Variants in TTLL7 observed in about 807,000 individuals in gnomAD.
The protein encoded by TTLL7 is tubulin polyglutamylase TTLL7.
In TTLL7, 53 loss-of-function variants were observed where a neutral mutation model predicts 120.2. The observed-to-expected ratio is 0.44, with a 90% CI of 0.35 to 0.55. TTLL7 has a LOEUF of 0.55. TTLL7 is among the 20% of genes least tolerant of loss of function. The pLI is 0.00. For synonymous variants in TTLL7, 353 were observed against 351.7 expected (o/e 1.00, Z -0.04); for missense variants, 803 against 1,054.7 (o/e 0.76, Z 3.31).
chr1:83,931,909 G>C (rs562815686), intron 9 of TTLL7, among the ~76,000 whole-genome samples: 1 of 152,228 alleles, frequency 6.6e-6, no homozygotes, highest in Non-Finnish European at 1.5e-5. Context: ...CAAAATATCA[G>C]CAGGGAGCAA....
intron 10 of TTLL7, among the ~76,000 whole-genome samples, chr1:83,922,096 C>A (rs949670126): frequency 6.6e-6 from 1 of 152,074 alleles, no homozygotes; most frequent in Non-Finnish European, 1.5e-5. Flanking sequence ...TCTCTCCAAC[C>A]CCTTCAACTT....
intron 19 of TTLL7, among the ~76,000 whole-genome samples, chr1:83,888,010 G>A (rs954952974): frequency 3.9e-5 from 6 of 151,904 alleles, no homozygotes; most frequent in African/African-American, 1.4e-4. Context: ...TTGTGCCAAG[G>A]ATAGGAGAAA....
chr1:83,943,535 G>A (rs1571261607), intron 6 of TTLL7, among the ~76,000 whole-genome samples: 1 of 152,264 alleles, frequency 6.6e-6, no homozygotes, highest in East Asian at 1.9e-4. Context: ...TGTTTGTTTT[G>A]TTCTGTTTAA....
At chr1:83,907,326 C>A in intron 16 of TTLL7, 130 bp downstream of exon 16, 2 of 784,146 alleles carry the variant, frequency 2.6e-6, no homozygotes, top group Admixed American at 2.7e-5. Context: ...GTGAATAATC[C>A]AAATTTCAAG....
chr1:83,964,595 G>A (rs746299932), intron 1 of TTLL7, among the ~76,000 whole-genome samples: 2 of 152,112 alleles, frequency 1.3e-5, no homozygotes, highest in Non-Finnish European at 2.9e-5. Flanking sequence ...AAAAAAGTAT[G>A]CCTCCTGGCT....
At position 83,875,515 on chromosome 1, in the gene TTLL7, A is replaced by G. The variant is rs1003373719; in HGVS notation, c.2544-5433T>C. ...AATCATTCTAATAAGGGTCTTATGC[A>G]CATGTGCACACATCTCTGCTGAGAA... On this transcript the variant is annotated intron_variant, in intron 20 of 20. Transcript: ENST00000260505. 3.9e-5 allele frequency among the ~76,000 whole-genome samples: 6 copies of G among 151,934 alleles called. No homozygotes were observed. The East Asian group carries it at 5.8e-4, about 15-fold the overall frequency.
chr1:83,909,048 G>A (rs577797893), intron 15 of TTLL7, among the ~76,000 whole-genome samples: 15 of 151,042 alleles, frequency 9.9e-5, no homozygotes, highest in East Asian at 9.7e-4. Context: ...ACATACCACT[G>A]GTCAATCTTT....
At chr1:83,944,356 T>C (rs1648269030) in intron 6 of TTLL7, among the ~76,000 whole-genome samples, 1 of 152,142 alleles carries the variant, frequency 6.6e-6, no homozygotes, top group South Asian at 2.1e-4. Flanking sequence ...CAAGATACAT[T>C]ATATACATTA....
At chr1:83,917,771 A>C in intron 13 of TTLL7, 81 bp from the exon 14 acceptor site, 2 of 868,984 alleles carry the variant, frequency 2.3e-6, no homozygotes, top group Non-Finnish European at 3.7e-6. Flanking sequence ...CCACAAAATA[A>C]TGCAGAGCAA....
At chr1:83,981,342 G>A (rs981947458) in intron 1 of TTLL7, 1 of 151,660 alleles carries the variant, frequency 6.6e-6, no homozygotes, top group Non-Finnish European at 1.5e-5. Flanking sequence ...TTAAAAAGCA[G>A]AAGTGGCTAT....
chr1:83,950,737 G>A (rs780383569), intron 3 of TTLL7, among the ~76,000 whole-genome samples: 4 of 152,126 alleles, frequency 2.6e-5, no homozygotes, highest in Non-Finnish European at 5.9e-5. Context: ...ACAGAATGGT[G>A]TAGTCCCAGG....
chr1:83,883,854 T>A (rs952580872), intron 19 of TTLL7, among the ~76,000 whole-genome samples: 1 of 151,924 alleles, frequency 6.6e-6, no homozygotes, highest in African/African-American at 2.4e-5. Context: ...CTTTCAGACA[T>A]AACTATATCC....
intron 18 of TTLL7, among the ~76,000 whole-genome samples, chr1:83,892,893 AAGAG>A (rs750334751): frequency 7.4e-6 from 1 of 135,350 alleles, no homozygotes; most frequent in Non-Finnish European, 1.6e-5. Context: ...AAAAGAGAGA[AAGAG>A]AAAGAAGGAA....
intron 3 of TTLL7, among the ~76,000 whole-genome samples, chr1:83,950,297 T>C (rs1317549902): frequency 6.6e-6 from 1 of 152,182 alleles, no homozygotes; most frequent in Admixed American, 6.5e-5. Flanking sequence ...GCTGAGACAA[T>C]ACGTCTACTC....
At chr1:83,930,854 T>C (rs1478357625) in intron 9 of TTLL7, among the ~76,000 whole-genome samples, 1 of 152,078 alleles carries the variant, frequency 6.6e-6, no homozygotes, top group Non-Finnish European at 1.5e-5. Flanking sequence ...TCAATCTCTC[T>C]CTCTCTCCTT....
chr1:83,910,213 A>C (rs1657560468), intron 15 of TTLL7, among the ~76,000 whole-genome samples: 1 of 152,152 alleles, frequency 6.6e-6, no homozygotes, highest in African/African-American at 2.4e-5. Flanking sequence ...GTTTAAGGCC[A>C]GTTTTAAAAT....
intron 10 of TTLL7, among the ~76,000 whole-genome samples, chr1:83,923,955 C>G (rs1224863361): frequency 1.3e-5 from 2 of 152,138 alleles, no homozygotes; most frequent in African/African-American, 4.8e-5. Flanking sequence ...GCTGTATACT[C>G]CAGGAATGTG....
At chr1:83,962,552 T>C (rs1190932551) in intron 1 of TTLL7, among the ~76,000 whole-genome samples, 2 of 152,176 alleles carry the variant, frequency 1.3e-5, no homozygotes, top group Non-Finnish European at 2.9e-5. Flanking sequence ...GCTCCTTACC[T>C]AACAGCCATT....
At chr1:83,946,983 G>T in intron 6 of TTLL7, 141 bp downstream of exon 6, 1 of 591,222 alleles carries the variant, frequency 1.7e-6, no homozygotes, top group Non-Finnish European at 2.7e-6. Flanking sequence ...TTAAATATTT[G>T]GTTCCAAAAC....
Sources: allele counts gnomAD v4.1 joint callset (sites outside exome capture counted in the v4.1 genomes callset), GRCh38; gene constraint gnomAD v4.1.1; transcripts MANE v1.5; gene names NCBI Gene and HGNC (gene_info 2026-07-23, HGNC 2026-07-21).